The following CMIP variants were observed in gnomAD, a reference collection of about 807,000 sequenced individuals.
CMIP encodes the protein c-Maf inducing protein.
In CMIP, 13 loss-of-function variants were observed where a neutral mutation model predicts 97.3. The observed-to-expected ratio is 0.13, with a 90% CI of 0.09 to 0.21. The LOEUF is 0.21. CMIP is among the 10% of genes least tolerant of loss of function. CMIP has a pLI of 1.00. For synonymous variants in CMIP, 538 were observed against 436.3 expected, an observed-to-expected ratio of 1.23 and a Z score of -2.91; for missense variants, 847 against 1,024.9, an observed-to-expected ratio of 0.83 and a Z score of 2.37.
chr16:81,463,515 C>T (rs1045074565), intron 1 of CMIP, among the ~76,000 whole-genome samples: 3 of 152,196 alleles, frequency 2.0e-5, no homozygotes, highest in East Asian at 3.9e-4. Flanking sequence ...TTTTTATGAG[C>T]GTGCTGTGCG....
At chr16:81,687,425 C>T (rs746942444) in intron 10 of CMIP, among the ~76,000 whole-genome samples, 2 of 152,170 alleles carry the variant, frequency 1.3e-5, no homozygotes, top group South Asian at 2.1e-4. Flanking sequence ...CTGGCTTAGG[C>T]GAGAACTGAC....
At chr16:81,510,066 T>C (rs2089781823) in intron 1 of CMIP, among the ~76,000 whole-genome samples, 1 of 152,250 alleles carries the variant, frequency 6.6e-6, no homozygotes, top group African/African-American at 2.4e-5. Flanking sequence ...CCTGTATCTT[T>C]AATGGGGCGT....
At position 81,699,816 on chromosome 16, in the gene CMIP, G is replaced by C. The variant is rs761530090; in HGVS notation, c.1755+15G>C. The C allele has an allele frequency of 1.3e-6, 2 of 1,568,718 alleles. No homozygotes were observed. The highest frequency in any genetic ancestry group is 1.8e-6 in the Non-Finnish European group (2 of 1,142,730). ...CCATGGTGGAGGTAAGGAGCTGGTC[G>C]GGGTCCCTGGTGGGGTGGCTGGCTC... On this transcript the variant is annotated intron_variant, in intron 15 of 20. Coordinates refer to ENST00000537098, the MANE Select transcript of CMIP (RefSeq NM_198390.3).
intron 1 of CMIP, among the ~76,000 whole-genome samples, chr16:81,530,053 C>T (rs939832794): frequency 6.6e-6 from 1 of 152,210 alleles, no homozygotes; most frequent in African/African-American, 2.4e-5. Context: ...GTAAGACCAT[C>T]ATCACTGCGT....
At chr16:81,547,903 C>A (rs2090578227) in intron 1 of CMIP, among the ~76,000 whole-genome samples, 1 of 152,188 alleles carries the variant, frequency 6.6e-6, no homozygotes, top group Admixed American at 6.5e-5. Context: ...GGGAGCCAGG[C>A]AGGCCTCTTC....
intron 9 of CMIP, among the ~76,000 whole-genome samples, chr16:81,677,267 C>T (rs1025880262): frequency 6.6e-6 from 1 of 152,092 alleles, no homozygotes; most frequent in Non-Finnish European, 1.5e-5. Flanking sequence ...GCTTTGGGGT[C>T]CAGGAGATCT....
At chr16:81,464,321 G>C (rs757199635) in intron 1 of CMIP, 5 of 152,240 alleles carry the variant, frequency 3.3e-5, no homozygotes, top group Admixed American at 6.5e-5. Context: ...CTGGTCACAG[G>C]CTCCACATCT....
chr16:81,495,514 A>G (rs1172927120), intron 1 of CMIP: 4 of 1,612,460 alleles, frequency 2.5e-6, no homozygotes, highest in Non-Finnish European at 3.4e-6. Flanking sequence ...CATGTGGGGA[A>G]CGACTCTGTC....
At chr16:81,530,993 C>T (rs578101634) in intron 1 of CMIP, among the ~76,000 whole-genome samples, 3 of 152,274 alleles carry the variant, frequency 2.0e-5, no homozygotes, top group South Asian at 2.1e-4. Context: ...CTTCTGGGAT[C>T]GTCATTGTTA....
chr16:81,450,338 C>T (rs370836353), intron 1 of CMIP, among the ~76,000 whole-genome samples: 6 of 152,158 alleles, frequency 3.9e-5, no homozygotes, highest in Non-Finnish European at 8.8e-5. Flanking sequence ...TTGGGTTTTG[C>T]GTTCTCATGG....
At chr16:81,489,217 A>C (rs1214359319) in intron 1 of CMIP, among the ~76,000 whole-genome samples, 3 of 152,116 alleles carry the variant, frequency 2.0e-5, no homozygotes, top group Non-Finnish European at 4.4e-5. Flanking sequence ...ACAGATGCTG[A>C]TGGTGCACTC....
rs368330614 is a variant in CMIP, at chr16:81,709,806, C to G, written c.*7C>G. ...CTACACCGAAGCCTGGTGAAGCTCC[C>G]AGCTCAAGGCAGGAAGACGTTTGCA... On this transcript the variant is annotated 3_prime_UTR_variant, in exon 21 of 21. Coordinates refer to ENST00000537098, the MANE Select transcript of CMIP (RefSeq NM_198390.3). The G allele has an allele frequency of 1.2e-6, 2 of 1,613,756 alleles. No individual in the cohort carries two copies. The highest frequency in any genetic ancestry group is 2.2e-5 in the South Asian group (2 of 91,036).
intron 1 of CMIP, among the ~76,000 whole-genome samples, chr16:81,568,286 T>C (rs2091020734): frequency 6.6e-6 from 1 of 152,148 alleles, no homozygotes; most frequent in African/African-American, 2.4e-5. Context: ...CAGTAAAGTC[T>C]GCCTTTCCCT....
intron 3 of CMIP, among the ~76,000 whole-genome samples, chr16:81,642,189 G>A (rs2092314250): frequency 6.6e-6 from 1 of 152,226 alleles, no homozygotes; most frequent in Non-Finnish European, 1.5e-5. Context: ...CCCTTGATAT[G>A]TAGTAGCCAT....
chr16:81,554,447 A>T (rs1457238743), intron 1 of CMIP, among the ~76,000 whole-genome samples: 1 of 152,206 alleles, frequency 6.6e-6, no homozygotes, highest in East Asian at 1.9e-4. Flanking sequence ...GGCAGACATC[A>T]ATAATCAATC....
intron 1 of CMIP, among the ~76,000 whole-genome samples, chr16:81,587,694 A>G (rs1034958136): frequency 6.6e-6 from 1 of 152,156 alleles, no homozygotes. Context: ...ACTTTCCTCT[A>G]CTGCTCCTGA....
At chr16:81,466,940 T>C (rs1404815717) in intron 1 of CMIP, among the ~76,000 whole-genome samples, 2 of 152,238 alleles carry the variant, frequency 1.3e-5, no homozygotes, top group Non-Finnish European at 1.5e-5. Flanking sequence ...TTTTCCTTTT[T>C]TCTTGTGCCT....
At chr16:81,626,640 AGTGT>A (rs199510902) in intron 3 of CMIP, among the ~76,000 whole-genome samples, 1 of 99,124 alleles carries the variant, frequency 1.0e-5, no homozygotes, top group Non-Finnish European at 2.1e-5. Context: ...GTGGCTTATG[AGTGT>A]GTGTGTGTGG....
chr16:81,677,897 T>C (rs757816782), intron 9 of CMIP, among the ~76,000 whole-genome samples: 8 of 152,340 alleles, frequency 5.3e-5, no homozygotes, highest in Admixed American at 1.3e-4. Flanking sequence ...GTAGATCCCA[T>C]TGGCTTATCA....
Sources: gnomAD v4.1 joint callset for allele counts (sites outside exome capture counted in the v4.1 genomes callset) on GRCh38, gnomAD v4.1.1 for gene constraint, MANE v1.5 for transcripts, NCBI Gene and HGNC (gene_info 2026-07-23, HGNC 2026-07-21) for gene names.